DCDC1: variants seen among roughly 807,000 people sequenced by gnomAD.
DCDC1 encodes the protein doublecortin domain-containing protein 1.
A neutral mutation model predicts 178.3 loss-of-function variants in DCDC1; 200 were observed. The ratio of observed to expected loss-of-function variants is 1.12; its 90% CI spans 1.00 to 1.26. The LOEUF (loss-of-function observed/expected upper bound fraction) is 1.26, where lower values mean the gene tolerates loss of function less well. Among genes scored for constraint, DCDC1 ranks in the 50% most tolerant of loss-of-function variants. DCDC1 has a pLI of 0.00. For missense variants in DCDC1, 1,983 were observed against 1,749.2 expected (o/e 1.13, Z -2.38); for synonymous variants, 690 against 604.8 (o/e 1.14, Z -2.07).
chr11:31,218,710 G>C (rs943414274), intron 9 of DCDC1, among the ~76,000 whole-genome samples: 1 of 152,178 alleles, frequency 6.6e-6, no homozygotes, highest in Non-Finnish European at 1.5e-5. Context: ...TAAAAACTCA[G>C]TGTCTAACTC....
intron 1 of DCDC1, among the ~76,000 whole-genome samples, chr11:31,349,068 C>G (rs1029146309): frequency 2.6e-5 from 4 of 151,730 alleles, no homozygotes; most frequent in African/African-American, 9.7e-5. Flanking sequence ...CAGTTCCAGA[C>G]TCAAATAAGT....
At position 30,905,071 on chromosome 11, in the gene DCDC1, A is replaced by T; in HGVS notation, c.4198T>A (p.Ser1400Thr). 6.2e-7 allele frequency: 1 copy of T among 1,613,810 alleles called. No individual in the cohort carries two copies. The highest frequency in any genetic ancestry group is 8.5e-7 in the Non-Finnish European group (1 of 1,179,778). ...LRMKTCTQAA[S>T]HSGMAATHQK... ...TGTGTGGCTGCCATGCCACTGTGAG[A>T]TGCAGCTTGCGTGCAGGTCTTCATC... The change falls in exon 31 of 39, where the codon TCT (serine) becomes ACT (threonine). Residue 1400 changes from serine to threonine, a missense_variant. Transcript: ENST00000684477.
rs550307489 is a variant in DCDC1, at chr11:30,946,883, G to A, written c.2715+5562C>T. ...ATGGAATTTGGTCTTGCAGAGGAAG[G>A]GCTCAGGACACATATTCCAAAGGTC... On this transcript the variant is annotated intron_variant, in intron 21 of 38. Coordinates refer to ENST00000684477, the MANE Select transcript of DCDC1 (RefSeq NM_001387274.1). Among the ~76,000 whole-genome samples the A allele has an allele frequency of 6.6e-5, 10 of 152,238 alleles. No individual in the cohort carries two copies. The South Asian group carries it at 2.1e-3, about 32-fold the overall frequency.
At chr11:31,236,137 G>C (rs1976429197) in intron 9 of DCDC1, among the ~76,000 whole-genome samples, 1 of 151,802 alleles carries the variant, frequency 6.6e-6, no homozygotes, top group Non-Finnish European at 1.5e-5. Flanking sequence ...AGATAAATAT[G>C]TCATGGATAA....
At chr11:31,041,419 C>T (rs1004025983) in intron 20 of DCDC1, among the ~76,000 whole-genome samples, 1 of 152,206 alleles carries the variant, frequency 6.6e-6, no homozygotes, top group Non-Finnish European at 1.5e-5. Context: ...GTTACACTGA[C>T]TTTGTGCTGG....
chr11:31,247,275 A>C (rs1453548632), intron 8 of DCDC1, among the ~76,000 whole-genome samples: 2 of 151,892 alleles, frequency 1.3e-5, no homozygotes, highest in African/African-American at 4.8e-5. Context: ...AGCCTGAGTC[A>C]TGTTTTTTTT....
chr11:31,159,071 G>A (rs930366692), intron 9 of DCDC1, among the ~76,000 whole-genome samples: 1 of 151,882 alleles, frequency 6.6e-6, no homozygotes, highest in Non-Finnish European at 1.5e-5. Flanking sequence ...CCTGCTTTGA[G>A]GACTATTAAG....
At position 31,285,397 on chromosome 11, in the gene DCDC1, G is replaced by A. The variant is rs148670143; in HGVS notation, c.960+5250C>T. Among the ~76,000 whole-genome samples the A allele has an allele frequency of 2.8e-4, 43 of 152,074 alleles. 1 individual carries two copies. Among genetic ancestry groups the A allele is most frequent in the African/African-American group, 9.9e-4 (41 of 41,504 alleles). On this transcript the variant is annotated intron_variant, in intron 7 of 38. Transcript: ENST00000684477. ...CTAATTATGCATGACCTCCTCTGTC[G>A]GAATCCATGTTGAGCATCCTTAATC...
intron 23 of DCDC1, 45 bp downstream of exon 23, chr11:30,925,264 G>T: frequency 6.9e-7 from 1 of 1,445,222 alleles, no homozygotes; most frequent in East Asian, 2.3e-5. Flanking sequence ...TCTTGGATGG[G>T]GTATTAATAA....
intron 20 of DCDC1, among the ~76,000 whole-genome samples, chr11:31,030,936 T>A (rs996615130): frequency 2.0e-5 from 3 of 152,110 alleles, no homozygotes; most frequent in Admixed American, 1.3e-4. Flanking sequence ...TATACCCAGT[T>A]ATTTTTATCT....
At chr11:30,984,968 G>T (rs540369669) in intron 20 of DCDC1, among the ~76,000 whole-genome samples, 10 of 152,256 alleles carry the variant, frequency 6.6e-5, no homozygotes, top group African/African-American at 1.9e-4. Context: ...AGTTCCCAGG[G>T]TCTCAAAGTC....
At chr11:31,140,254 A>G (rs1963652979) in intron 9 of DCDC1, among the ~76,000 whole-genome samples, 1 of 152,154 alleles carries the variant, frequency 6.6e-6, no homozygotes, top group Non-Finnish European at 1.5e-5. Context: ...TCTGAGGTTG[A>G]TTTTTCATGT....
intron 26 of DCDC1, 94 bp from the exon 27 acceptor site, chr11:30,915,805 G>T (rs1457830052): frequency 7.8e-7 from 1 of 1,275,406 alleles, no homozygotes; most frequent in Non-Finnish European, 1.1e-6. Context: ...CTGTTGGTGA[G>T]AGCTCCAACG....
chr11:31,323,349 T>A (rs1949470445), intron 3 of DCDC1, among the ~76,000 whole-genome samples: 1 of 152,224 alleles, frequency 6.6e-6, no homozygotes, highest in African/African-American at 2.4e-5. Context: ...TGTCGCTTCA[T>A]ATTCGTGTTG....
chr11:31,065,199 A>G (rs1433388836), intron 18 of DCDC1, 46 bp from the exon 19 acceptor site: 2 of 644,880 alleles, frequency 3.1e-6, no homozygotes, highest in South Asian at 1.9e-5. Flanking sequence ...CTTATAAACA[A>G]TAGCCAAAAA....
rs930627976 is a variant in DCDC1, at chr11:31,174,483, G to C, written c.1222-36699C>G. Among the ~76,000 whole-genome samples the C allele has an allele frequency of 3.3e-5, 5 of 152,312 alleles. No homozygotes were observed. The East Asian group carries it at 7.8e-4, about 24-fold the overall frequency. The stretch of plus-strand genomic sequence containing the variant: ...CGGCAGGCACCCCTCAGCATGAACA[G>C]TATGGGAACCATGAACAGTGGCAGG... On this transcript the variant is annotated intron_variant, in intron 9 of 38. Coordinates refer to ENST00000684477, the MANE Select transcript of DCDC1 (RefSeq NM_001387274.1).
At chr11:30,918,366 T>A (rs7939431) in intron 25 of DCDC1, among the ~76,000 whole-genome samples, 1 of 152,166 alleles carries the variant, frequency 6.6e-6, no homozygotes, top group African/African-American at 2.4e-5. Context: ...TTAATCAATA[T>A]TTATTGAACA....
chr11:31,006,241 T>C (rs1446779507), intron 20 of DCDC1, among the ~76,000 whole-genome samples: 4 of 152,162 alleles, frequency 2.6e-5, no homozygotes, highest in South Asian at 2.1e-4. Context: ...CACACAATAG[T>C]TGGGTCCTTT....
intron 38 of DCDC1, among the ~76,000 whole-genome samples, chr11:30,868,168 G>A (rs2133903129): frequency 6.6e-6 from 1 of 151,340 alleles, no homozygotes. Context: ...ACAAGGTGAA[G>A]GTGGATTTCA....
Sources: allele counts gnomAD v4.1 joint callset (sites outside exome capture counted in the v4.1 genomes callset), GRCh38; gene constraint gnomAD v4.1.1; transcripts MANE v1.5; gene names NCBI Gene and HGNC (gene_info 2026-07-23, HGNC 2026-07-21).